The following ZFAND3 variants were observed in gnomAD, a reference collection of about 807,000 sequenced individuals.
The protein encoded by ZFAND3 is zinc finger AN1-type containing 3.
A neutral mutation model predicts 29.6 loss-of-function variants in ZFAND3; 10 were observed. The ratio of observed to expected loss-of-function variants is 0.34; its 90% CI spans 0.21 to 0.57. The LOEUF is 0.57. ZFAND3 is among the 20% of genes least tolerant of loss of function. ZFAND3 has a pLI of 0.86. For missense variants in ZFAND3, 230 were observed against 304.5 expected (o/e 0.76, Z 1.82); for synonymous variants, 128 against 112.6 (o/e 1.14, Z -0.87).
At chr6:37,825,572 A>C (rs140159648) in intron 1 of ZFAND3, among the ~76,000 whole-genome samples, 1 of 152,220 alleles carries the variant, frequency 6.6e-6, no homozygotes, top group East Asian at 1.9e-4. Context: ...GGTTTGAGGC[A>C]ATAGCTTTTT....
chr6:38,131,639 A>G (rs1052959148), intron 5 of ZFAND3, among the ~76,000 whole-genome samples: 1 of 152,220 alleles, frequency 6.6e-6, no homozygotes, highest in Non-Finnish European at 1.5e-5. Context: ...GGTGTGTAAC[A>G]CATACCTTCC....
At chr6:37,901,012 T>C (rs1011801535) in intron 1 of ZFAND3, among the ~76,000 whole-genome samples, 1 of 146,788 alleles carries the variant, frequency 6.8e-6, no homozygotes, top group Non-Finnish European at 1.5e-5. Flanking sequence ...CTAGTACTTT[T>C]TTTGTGCCTA....
chr6:37,875,848 A>G (rs1020349613), intron 1 of ZFAND3, among the ~76,000 whole-genome samples: 1 of 140,524 alleles, frequency 7.1e-6, no homozygotes, highest in Non-Finnish European at 1.6e-5. Flanking sequence ...TTTTTTTTTT[A>G]TTGGTAAAGA....
chr6:37,920,201 A>G (rs1056887600), intron 1 of ZFAND3, among the ~76,000 whole-genome samples: 1 of 151,866 alleles, frequency 6.6e-6, no homozygotes, highest in African/African-American at 2.4e-5. Flanking sequence ...GTTTGGGGAT[A>G]TATAGTGGGA....
intron 1 of ZFAND3, among the ~76,000 whole-genome samples, chr6:37,912,350 G>C (rs1765539156): frequency 6.6e-6 from 1 of 152,122 alleles, no homozygotes; most frequent in African/African-American, 2.4e-5. Context: ...TGGCTCAATA[G>C]AAAACTTGAT....
intron 2 of ZFAND3, among the ~76,000 whole-genome samples, chr6:37,968,030 C>G (rs572199045): frequency 6.6e-6 from 1 of 152,256 alleles, no homozygotes; most frequent in African/African-American, 2.4e-5. Flanking sequence ...AGAGCACCAA[C>G]TAGAATATCT....
chr6:38,053,598 C>T (rs936041343), intron 2 of ZFAND3, among the ~76,000 whole-genome samples: 3 of 152,210 alleles, frequency 2.0e-5, no homozygotes, highest in African/African-American at 4.8e-5. Context: ...GCATGAGAAT[C>T]GCTTGAACCG....
At chr6:37,834,184 CT>C (rs1218947366) in intron 1 of ZFAND3, among the ~76,000 whole-genome samples, 1 of 152,174 alleles carries the variant, frequency 6.6e-6, no homozygotes, top group Non-Finnish European at 1.5e-5. Context: ...TCTCTTCAAC[CT>C]TTGGCAACAA....
chr6:37,906,605 C>T (rs191099050), intron 1 of ZFAND3, among the ~76,000 whole-genome samples: 1 of 152,024 alleles, frequency 6.6e-6, no homozygotes, highest in Admixed American at 6.6e-5. Context: ...TGAGGAAGTC[C>T]AAACTGTTTT....
At chr6:37,847,582 A>G (rs1422196841) in intron 1 of ZFAND3, among the ~76,000 whole-genome samples, 1 of 152,122 alleles carries the variant, frequency 6.6e-6, no homozygotes, top group Non-Finnish European at 1.5e-5. Flanking sequence ...AATATTAGAC[A>G]ATCAGAGTAC....
At chr6:37,879,543 G>C (rs1343780011) in intron 1 of ZFAND3, among the ~76,000 whole-genome samples, 2 of 152,062 alleles carry the variant, frequency 1.3e-5, no homozygotes, top group African/African-American at 4.8e-5. Flanking sequence ...GTATATCTGT[G>C]TACTAGAACC....
At chr6:37,875,918 T>G (rs11756656) in intron 1 of ZFAND3, among the ~76,000 whole-genome samples, 105,965 of 151,784 alleles carry the variant, frequency 0.7, 37,540 homozygotes, top group African/African-American at 0.77. Context: ...TGATTTTCTC[T>G]CCTTGGCCTC....
At chr6:37,950,439 G>A (rs190112723) in intron 2 of ZFAND3, among the ~76,000 whole-genome samples, 7 of 151,066 alleles carry the variant, frequency 4.6e-5, no homozygotes, top group Middle Eastern at 3.4e-3. Context: ...GTGCAGCAGC[G>A]CAAACTTGGC....
At chr6:37,947,885 A>C (rs1031740129) in intron 2 of ZFAND3, among the ~76,000 whole-genome samples, 5 of 152,146 alleles carry the variant, frequency 3.3e-5, no homozygotes, top group Non-Finnish European at 1.5e-5. Context: ...TGGAGCATTT[A>C]GCTTAGTATT....
chr6:37,896,516 T>TTC (rs1221208931), intron 1 of ZFAND3, among the ~76,000 whole-genome samples: 1 of 89,900 alleles, frequency 1.1e-5, no homozygotes, highest in East Asian at 3.8e-4. Context: ...CCTCTTTCTT[T>TTC]TCTTTCTTTC....
At chr6:38,006,465 G>C (rs1763050643) in intron 2 of ZFAND3, among the ~76,000 whole-genome samples, 1 of 152,020 alleles carries the variant, frequency 6.6e-6, no homozygotes, top group East Asian at 1.9e-4. Flanking sequence ...GAACTCTGCT[G>C]TTTCGAGTGC....
intron 2 of ZFAND3, among the ~76,000 whole-genome samples, chr6:38,001,118 G>A (rs944155145): frequency 1.3e-5 from 2 of 152,178 alleles, no homozygotes. Context: ...TTACTAAGGA[G>A]ATTTTTAAAA....
At chr6:37,860,895 A>G (rs1764478819) in intron 1 of ZFAND3, among the ~76,000 whole-genome samples, 1 of 152,176 alleles carries the variant, frequency 6.6e-6, no homozygotes, top group South Asian at 2.1e-4. Flanking sequence ...ATGAAGCCTT[A>G]AAGCTTCTCT....
chr6:38,027,652 AAAC>A (rs1763475547), intron 2 of ZFAND3, among the ~76,000 whole-genome samples: 5 of 152,214 alleles, frequency 3.3e-5, no homozygotes, highest in African/African-American at 1.2e-4. Context: ...TTTTGAAGAA[AAAC>A]TGTTCTTCAT....
Sources: allele counts gnomAD v4.1 joint callset (sites outside exome capture counted in the v4.1 genomes callset), GRCh38; gene constraint gnomAD v4.1.1; transcripts MANE v1.5; gene names NCBI Gene and HGNC (gene_info 2026-07-23, HGNC 2026-07-21).